EYA1: variants seen among roughly 807,000 people sequenced by gnomAD.
EYA1 encodes the protein protein phosphatase EYA1.
Under a neutral mutation model 82.0 loss-of-function variants are expected in EYA1, and 16 were observed. The ratio of observed to expected loss-of-function variants is 0.20; its 90% CI spans 0.13 to 0.30. The LOEUF (loss-of-function observed/expected upper bound fraction) is 0.30, where lower values mean the gene tolerates loss of function less well. EYA1 is among the 10% of genes least tolerant of loss of function. The pLI, the probability that EYA1 is intolerant of heterozygous loss-of-function variation, is 1.00. For missense variants in EYA1, 633 were observed against 730.7 expected (o/e 0.87, Z 1.54); for synonymous variants, 261 against 264.4 (o/e 0.99, Z 0.12).
chr8:71,535,883 T>C (rs1814672976), intron 1 of EYA1: 5 of 566,366 alleles, frequency 8.8e-6, no homozygotes, highest in Non-Finnish European at 1.4e-5. Flanking sequence ...GCTGTATTAA[T>C]TGTGTGGCAT....
chr8:71,511,769 G>A (rs969923738), intron 2 of EYA1, among the ~76,000 whole-genome samples: 4 of 152,114 alleles, frequency 2.6e-5, no homozygotes, highest in African/African-American at 4.8e-5. Flanking sequence ...CAAGCCTCAC[G>A]ATTGAATAAA....
intron 2 of EYA1, among the ~76,000 whole-genome samples, chr8:71,421,481 A>G (rs893317014): frequency 2.6e-5 from 4 of 152,214 alleles, no homozygotes; most frequent in Non-Finnish European, 5.9e-5. Context: ...ATTTTCTTCT[A>G]CTATGCCAAG....
chr8:71,472,330 A>T (rs1048952589), intron 2 of EYA1, among the ~76,000 whole-genome samples: 2 of 152,104 alleles, frequency 1.3e-5, no homozygotes, highest in African/African-American at 4.8e-5. Context: ...TTTAAAAAGC[A>T]ATTCTATTGA....
intron 1 of EYA1, chr8:71,356,787 G>C: frequency 1.8e-6 from 2 of 1,118,438 alleles, no homozygotes; most frequent in Non-Finnish European, 2.2e-6. Flanking sequence ...AGCTGCAAAT[G>C]GGATTACCCC....
chr8:71,403,262 A>G (rs1435652637), intron 2 of EYA1, among the ~76,000 whole-genome samples: 1 of 152,238 alleles, frequency 6.6e-6, no homozygotes, highest in Non-Finnish European at 1.5e-5. Context: ...ATGATCAGAC[A>G]ATTGGCAGAA....
upstream of EYA1, chr8:71,362,214 G>C (rs958645812): frequency 8.6e-6 from 7 of 816,082 alleles, no homozygotes; most frequent in Admixed American, 6.1e-4. Context: ...CTATTCTCTT[G>C]TCCTAACCTT....
intron 2 of EYA1, among the ~76,000 whole-genome samples, chr8:71,382,387 T>C (rs773240518): frequency 1.3e-5 from 2 of 152,092 alleles, no homozygotes; most frequent in Non-Finnish European, 2.9e-5. Context: ...TTAACAGATA[T>C]ATGTACAATA....
At chr8:71,475,246 T>C (rs1725135532) in intron 2 of EYA1, among the ~76,000 whole-genome samples, 1 of 152,144 alleles carries the variant, frequency 6.6e-6, no homozygotes. Flanking sequence ...GTAGCTAGGG[T>C]CAAACAGGGA....
chr8:71,304,530 A>C (rs750264780), intron 7 of EYA1, among the ~76,000 whole-genome samples: 1 of 142,882 alleles, frequency 7.0e-6, no homozygotes, highest in Non-Finnish European at 1.6e-5. Context: ...TCCCTTTCAG[A>C]CACAGAAATC....
chr8:71,528,636 A>G (rs545584769), intron 2 of EYA1, among the ~76,000 whole-genome samples: 1 of 152,300 alleles, frequency 6.6e-6, no homozygotes, highest in South Asian at 2.1e-4. Context: ...TGTCCATTAC[A>G]TCAGAATTAA....
At chr8:71,260,059 C>T (rs1265789642) in intron 11 of EYA1, among the ~76,000 whole-genome samples, 1 of 152,100 alleles carries the variant, frequency 6.6e-6, no homozygotes, top group Non-Finnish European at 1.5e-5. Flanking sequence ...CTAGATACAC[C>T]TGTAAAGCAC....
chr8:71,265,723 T>C (rs1041340212), intron 11 of EYA1, among the ~76,000 whole-genome samples: 8 of 152,368 alleles, frequency 5.3e-5, no homozygotes, highest in Middle Eastern at 3.4e-3. Context: ...CAAGAATAGT[T>C]TTCTTCAATG....
At chr8:71,511,639 G>A (rs542964537) in intron 2 of EYA1, among the ~76,000 whole-genome samples, 29 of 152,236 alleles carry the variant, frequency 1.9e-4, no homozygotes, top group Non-Finnish European at 3.5e-4. Context: ...GAATCAAAGG[G>A]TGCACGTGGA....
intron 2 of EYA1, among the ~76,000 whole-genome samples, chr8:71,424,769 C>G (rs1233699891): frequency 1.3e-5 from 2 of 152,120 alleles, no homozygotes; most frequent in East Asian, 1.9e-4. Flanking sequence ...GGTCTCTGTT[C>G]TCATCCTGGC....
chr8:71,390,581 T>G (rs1829222000), intron 2 of EYA1, among the ~76,000 whole-genome samples: 1 of 152,182 alleles, frequency 6.6e-6, no homozygotes, highest in Non-Finnish European at 1.5e-5. Flanking sequence ...CTTTTGATAT[T>G]TATGTGAAGC....
At chr8:71,328,809 T>G (rs1823465450) in intron 4 of EYA1, among the ~76,000 whole-genome samples, 1 of 152,300 alleles carries the variant, frequency 6.6e-6, no homozygotes, top group African/African-American at 2.4e-5. Context: ...ACTGCTTTTC[T>G]CAGTCTGTCT....
At chr8:71,514,719 C>G (rs1280148723) in intron 2 of EYA1, among the ~76,000 whole-genome samples, 6 of 152,050 alleles carry the variant, frequency 3.9e-5, no homozygotes, top group Non-Finnish European at 7.4e-5. Context: ...ATTACCTCCC[C>G]CTGGGTCCCT....
In EYA1 at chr8:71,198,230, T is replaced by G. The variant is rs2128799500; in HGVS notation, c.*1110A>C. Reference sequence around the variant, plus strand: ...TTTGTGGGAAGAAGCATTTGAATAATTATTTTTTCCAAGTAGTTACATATA... The same window carrying G: ...TTTGTGGGAAGAAGCATTTGAATAAGTATTTTTTCCAAGTAGTTACATATA... On this transcript the variant is annotated 3_prime_UTR_variant, in exon 18 of 18. Transcript: ENST00000340726. 1 of 152,684 alleles carries G rather than the reference T, an allele frequency of 6.5e-6. No homozygotes were observed. Among genetic ancestry groups the G allele is most frequent in the South Asian group, 2.1e-4 (1 of 4,822 alleles). The allele number at this position is 152,684 out of a possible 1,614,324, so 9.5% of individuals were successfully genotyped here. A position where few individuals can be genotyped will look rare whatever the true frequency, so the allele number is the denominator to read the frequency against.
Position 71,198,782 on chromosome 8 carries a change from G to C in EYA1, c.*558C>G, listed in dbSNP as rs1429238950. The C allele has an allele frequency of 6.6e-6, 1 of 150,502 alleles. No homozygotes were observed. The highest frequency in any genetic ancestry group is 1.4e-5 in the Non-Finnish European group (1 of 69,154). The allele number at this position is 150,502 out of a possible 1,614,324, so 9.3% of individuals were successfully genotyped here. ...AATGCTATTGTCTCTTCAATTATTTGATGTTTAAAAAAGTCTGGTGGGTGA... is the reference window on the plus strand; with the variant it reads ...AATGCTATTGTCTCTTCAATTATTTCATGTTTAAAAAAGTCTGGTGGGTGA... On this transcript the variant is annotated 3_prime_UTR_variant, in exon 18 of 18. Coordinates refer to ENST00000340726, the MANE Select transcript of EYA1 (RefSeq NM_000503.6).
Sources: gnomAD v4.1 joint callset for allele counts (sites outside exome capture counted in the v4.1 genomes callset) on GRCh38, gnomAD v4.1.1 for gene constraint, MANE v1.5 for transcripts, NCBI Gene and HGNC (gene_info 2026-07-23, HGNC 2026-07-21) for gene names.